The following SBK1 variants were observed in gnomAD, a reference collection of about 807,000 sequenced individuals.
SBK1 encodes the protein serine/threonine-protein kinase SBK1.
Under a neutral mutation model 24.4 loss-of-function variants are expected in SBK1, and 11 were observed. The ratio of observed to expected loss-of-function variants is 0.45; its 90% CI spans 0.28 to 0.75. The LOEUF (loss-of-function observed/expected upper bound fraction) is 0.75. Ranked by LOEUF, SBK1 falls within the 30% of genes least tolerant of loss-of-function variation. The pLI, the probability that SBK1 is intolerant of heterozygous loss-of-function variation, is 0.12. For synonymous variants in SBK1, 308 were observed against 284.4 expected (o/e 1.08, Z -0.83); for missense variants, 467 against 620.5 (o/e 0.75, Z 2.63).
intron 1 of SBK1, among the ~76,000 whole-genome samples, chr16:28,272,747 G>A (rs909784145): frequency 1.1e-4 from 17 of 150,368 alleles, no homozygotes; most frequent in African/African-American, 4.2e-4. Flanking sequence ...TCAGCCCCCT[G>A]AGTAGCTGGG....
chr16:28,320,660 C>A lies in SBK1; in HGVS notation c.1014C>A (p.Pro338=). ...RARKPPGDRP[P]AAGPLRLEAP... Reference sequence around the variant, plus strand: ...GCAAGCCCCCCGGGGACCGCCCGCCCGCCGCCGGGCCACTGCGCCTCGAGG... The same window carrying A: ...GCAAGCCCCCCGGGGACCGCCCGCCAGCCGCCGGGCCACTGCGCCTCGAGG... The change falls in exon 4 of 4, where the codon CCC becomes CCA. Residue 338 remains proline (P), a synonymous_variant. Transcript: ENST00000341901. The surrounding 1 kb of genome is among the most constrained non-coding windows in gnomAD (Gnocchi z 8.5). 2 of 1,094,714 alleles carry A rather than the reference C, an allele frequency of 1.8e-6. No homozygotes were observed. Among genetic ancestry groups the A allele is most frequent in the South Asian group, 4.1e-5 (1 of 24,144 alleles). 67.8% of individuals were successfully genotyped at this position (1,094,714 alleles called of 1,614,324 possible).
intron 1 of SBK1, among the ~76,000 whole-genome samples, chr16:28,281,723 C>A (rs989715365): frequency 6.6e-6 from 1 of 152,144 alleles, no homozygotes; most frequent in Non-Finnish European, 1.5e-5. Flanking sequence ...TTTAAATGAG[C>A]TCATTTGTGT....
At chr16:28,288,107 AAG>A (rs892731966), upstream of SBK1, among the ~76,000 whole-genome samples, 1 of 152,100 alleles carries the variant, frequency 6.6e-6, no homozygotes, top group Admixed American at 6.6e-5. Context: ...ACACGTGGAA[AAG>A]AGAGACAGAA....
intron 1 of SBK1, among the ~76,000 whole-genome samples, chr16:28,287,234 A>G (rs1036009127): frequency 6.7e-6 from 1 of 149,856 alleles, no homozygotes; most frequent in Non-Finnish European, 1.5e-5. Flanking sequence ...CAAAGTCAGG[A>G]GTTTGAGACC....
Position 28,259,999 on chromosome 16 carries a change from C to T in SBK1, c.257+497C>T, listed in dbSNP as rs1466864415. ...TGTCCCACCCTAACCTGAGAGCCACCTTTCCATCCTGCACTGCAGTGGCAC... is the reference window on the plus strand; with the variant it reads ...TGTCCCACCCTAACCTGAGAGCCACTTTTCCATCCTGCACTGCAGTGGCAC... On this transcript the variant is annotated intron_variant, in intron 1 of 3. Coordinates refer to the SBK1 transcript ENST00000671413. The surrounding 1 kb of genome is among the most constrained non-coding windows in gnomAD (Gnocchi z 6.0). 1.3e-5 allele frequency among the ~76,000 whole-genome samples: 2 copies of T among 152,182 alleles called. No homozygotes were observed. Among genetic ancestry groups the T allele is most frequent in the Admixed American group, 6.5e-5 (1 of 15,282 alleles).
At chr16:28,308,568 A>G (rs2044732498) in intron 1 of SBK1, among the ~76,000 whole-genome samples, 1 of 137,624 alleles carries the variant, frequency 7.3e-6, no homozygotes, top group African/African-American at 2.7e-5. Flanking sequence ...GACTATAGGC[A>G]TGTGCCACCA....
At chr16:28,266,803 C>G (rs1483493845) in intron 1 of SBK1, among the ~76,000 whole-genome samples, 1 of 151,006 alleles carries the variant, frequency 6.6e-6, no homozygotes, top group Non-Finnish European at 1.5e-5. Context: ...GTGCAATGGC[C>G]CAATCAGGAT....
intron 1 of SBK1, among the ~76,000 whole-genome samples, chr16:28,261,677 T>C (rs910345889): frequency 6.6e-6 from 1 of 152,132 alleles, no homozygotes; most frequent in African/African-American, 2.4e-5. Flanking sequence ...GTTGAATTGT[T>C]AAAAAATACT....
chr16:28,292,851 C>T lies in SBK1; in HGVS notation c.-457C>T, dbSNP rs912524891. On this transcript the variant is annotated 5_prime_UTR_variant, in exon 1 of 4. Transcript: ENST00000341901. ...TCCCCTGCGGGGAAAGCGGAGACTT[C>T]CTCGGTATTTAGAAGACAGCAAGCC... is the stretch of plus-strand genomic sequence containing the variant. The T allele has an allele frequency of 1.0e-6, 1 of 984,648 alleles. No individual in the cohort carries two copies. The highest frequency in any genetic ancestry group is 1.2e-6 in the Non-Finnish European group (1 of 829,304). The allele number at this position is 984,648 out of a possible 1,614,324, so 61.0% of individuals were successfully genotyped here.
intron 1 of SBK1, among the ~76,000 whole-genome samples, chr16:28,315,948 TAG>T (rs916997588): frequency 1.3e-5 from 2 of 152,074 alleles, no homozygotes; most frequent in African/African-American, 4.8e-5. Flanking sequence ...GTATTTTTAG[TAG>T]AGACAGGGTT....
chr16:28,321,182 AACAC>A lies in SBK1; in HGVS notation c.*314_*317del, dbSNP rs55860114. ...CCCGAGAATTCGGAGGCCACCACAC[AACAC>A]ACACACACACACACACACACACACA... On this transcript the variant is annotated 3_prime_UTR_variant, in exon 4 of 4. Transcript: ENST00000341901. 0.028 allele frequency: 5,377 copies of A among 191,108 alleles called. 143 individuals carry two copies. Among genetic ancestry groups the A allele is most frequent in the East Asian group, 0.071 (401 of 5,642 alleles). 11.8% of individuals were successfully genotyped at this position (191,108 alleles called of 1,614,324 possible).
intron 1 of SBK1, among the ~76,000 whole-genome samples, chr16:28,273,985 G>A (rs1416891303): frequency 1.3e-5 from 2 of 152,196 alleles, no homozygotes; most frequent in Non-Finnish European, 2.9e-5. Context: ...TCTGACTCCA[G>A]TGATATGACA....
In SBK1 at chr16:28,320,538, C is replaced by T. The variant is rs1567681623; in HGVS notation, c.892C>T (p.Leu298=). 2 of 1,561,256 alleles carry T rather than the reference C, an allele frequency of 1.3e-6. No individual in the cohort carries two copies. Among genetic ancestry groups the T allele is most frequent in the Non-Finnish European group, 1.7e-6 (2 of 1,160,532 alleles). ...ALRMFQRLLA[L]EPERRGPAKE... The stretch of plus-strand genomic sequence containing the variant: ...GCGCATGTTCCAGCGCTTACTGGCC[C>T]TGGAGCCCGAGCGCCGCGGCCCAGC... Residue 298 remains leucine, a synonymous_variant, in exon 4 of 4, where the codon CTG becomes TTG. Coordinates refer to ENST00000341901, the MANE Select transcript of SBK1 (RefSeq NM_001024401.3). This position sits in a 1 kb window ranked among gnomAD's most constrained non-coding sequence, Gnocchi z 8.5.
In SBK1 at chr16:28,317,348, G is replaced by C. The variant is rs1332256909; in HGVS notation, c.-7-37G>C. On this transcript the variant is annotated intron_variant, in intron 1 of 3. Transcript: ENST00000341901. This position sits in a 1 kb window ranked among gnomAD's most constrained non-coding sequence, Gnocchi z 4.2. ...GGGCTGGAGGAGGGGACCCTTGCCT[G>C]ATGTCACACTTCATGCTCACCACCC... is the stretch of plus-strand genomic sequence containing the variant. The C allele has an allele frequency of 2.0e-6, 3 of 1,526,444 alleles. No individual in the cohort carries two copies. In the Admixed American group the frequency reaches 5.0e-5, roughly 26 times the overall value. The allele number at this position is 1,526,444 out of a possible 1,614,324, so 94.6% of individuals were successfully genotyped here.
At chr16:28,264,535 G>A (rs1018851053) in intron 1 of SBK1, among the ~76,000 whole-genome samples, 3 of 150,318 alleles carry the variant, frequency 2.0e-5, no homozygotes, top group Non-Finnish European at 1.5e-5. Context: ...TTACACTACT[G>A]CACTCCAGCC....
intron 1 of SBK1, among the ~76,000 whole-genome samples, chr16:28,266,818 G>A (rs529811292): frequency 4.0e-5 from 6 of 148,966 alleles, no homozygotes; most frequent in South Asian, 2.1e-4. Context: ...CAGGATTGCC[G>A]CAGCCTTGAC....
intron 1 of SBK1, among the ~76,000 whole-genome samples, chr16:28,280,291 AT>A (rs1483428487): frequency 1.4e-5 from 2 of 142,776 alleles, no homozygotes; most frequent in African/African-American, 5.1e-5. Flanking sequence ...ATGTATACAT[AT>A]ATATGCACAT....
chr16:28,320,874 A>G lies in SBK1; in HGVS notation c.1228A>G (p.Ser410Gly). ...CCGGACCGACGGCCGCGCGGACAAGAGCAAAGGGCAGGTGGTGCTGGCCAC... is the reference window on the plus strand; with the variant it reads ...CCGGACCGACGGCCGCGCGGACAAGGGCAAAGGGCAGGTGGTGCTGGCCAC... The part of the protein sequence containing the change: ...PGRTDGRADK[S>G]KGQVVLATAI... Residue 410 changes from serine to glycine, a missense_variant, in exon 4 of 4, where the codon AGC becomes GGC. Coordinates refer to ENST00000341901, the MANE Select transcript of SBK1 (RefSeq NM_001024401.3). This position sits in a 1 kb window ranked among gnomAD's most constrained non-coding sequence, Gnocchi z 8.5. 1 of 1,503,038 alleles carries G rather than the reference A, an allele frequency of 6.7e-7. No individual in the cohort carries two copies. Among genetic ancestry groups the G allele is most frequent in the East Asian group, 2.9e-5 (1 of 34,838 alleles). The allele number at this position is 1,503,038 out of a possible 1,614,324, so 93.1% of individuals were successfully genotyped here.
chr16:28,295,797 A>G (rs1351747216), intron 1 of SBK1, among the ~76,000 whole-genome samples: 2 of 151,968 alleles, frequency 1.3e-5, no homozygotes, highest in East Asian at 3.9e-4. Context: ...CCACAGCGGG[A>G]GAATGACCAC....
Sources: gnomAD v4.1 joint callset for allele counts (sites outside exome capture counted in the v4.1 genomes callset) on GRCh38, gnomAD v4.1.1 for gene constraint, Gnocchi (gnomAD v3.1) non-coding constraint, MANE v1.5 for transcripts, NCBI Gene and HGNC (gene_info 2026-07-23, HGNC 2026-07-21) for gene names.